The following RXFP2 variants were observed in gnomAD, a reference collection of about 807,000 sequenced individuals.
RXFP2 encodes the protein relaxin receptor 2.
In RXFP2, 68 loss-of-function variants were observed where a neutral mutation model predicts 88.6. That is an observed-to-expected ratio of 0.77 (90% CI 0.63 to 0.94). The LOEUF is 0.94. Ranked by LOEUF, RXFP2 falls within the 40% of genes least tolerant of loss-of-function variation. The probability of loss-of-function intolerance (pLI) is 0.00; values close to 1 mark genes in which losing one functional copy is unlikely to be tolerated. For synonymous variants in RXFP2, 329 were observed against 306.8 expected, an observed-to-expected ratio of 1.07 and a Z score of -0.76; for missense variants, 791 against 893.9, an observed-to-expected ratio of 0.88 and a Z score of 1.47.
chr13:31,766,055 T>TA (rs761277213), intron 5 of RXFP2, 28 bp downstream of exon 5: 13 of 1,061,746 alleles, frequency 1.2e-5, no homozygotes, highest in Non-Finnish European at 1.6e-5. Context: ...GCATATTTAT[T>TA]TAAAAAAAAT....
chr13:31,779,340 G>A (rs1396451418), intron 9 of RXFP2, among the ~76,000 whole-genome samples: 6 of 151,876 alleles, frequency 4.0e-5, no homozygotes, highest in Admixed American at 1.3e-4. Context: ...TGGCCAGGCT[G>A]GTCTTCAACC....
chr13:31,782,919 T>G (rs1051793825), intron 11 of RXFP2, among the ~76,000 whole-genome samples, 172 bp downstream of exon 11: 1 of 152,208 alleles, frequency 6.6e-6, no homozygotes, highest in African/African-American at 2.4e-5. Context: ...CACATTCAAA[T>G]CAGACAGTGG....
At chr13:31,746,784 T>A (rs1382712292) in intron 1 of RXFP2, among the ~76,000 whole-genome samples, 1 of 152,246 alleles carries the variant, frequency 6.6e-6, no homozygotes, top group Non-Finnish European at 1.5e-5. Context: ...TCTATTGCTG[T>A]AGATATTTCT....
chr13:31,779,884 C>T (rs1346373124), intron 9 of RXFP2, among the ~76,000 whole-genome samples: 1 of 152,120 alleles, frequency 6.6e-6, no homozygotes, highest in Non-Finnish European at 1.5e-5. Context: ...TGTCAAAAGG[C>T]TTCTAAAACA....
chr13:31,761,549 A>ACCTGCC (rs1872302363), intron 2 of RXFP2, among the ~76,000 whole-genome samples, 175 bp from the exon 3 acceptor site: 1 of 152,226 alleles, frequency 6.6e-6, no homozygotes, highest in Non-Finnish European at 1.5e-5. Flanking sequence ...TCATGTAAAA[A>ACCTGCC]AGGGACACCT....
chr13:31,761,823 A>G, intron 3 of RXFP2, 22 bp downstream of exon 3: 1 of 1,502,158 alleles, frequency 6.7e-7, no homozygotes, highest in Non-Finnish European at 9.3e-7. Flanking sequence ...TGATTCAAAG[A>G]CAGTATCAGC....
At chr13:31,770,834 T>G (rs1375245146) in intron 5 of RXFP2, among the ~76,000 whole-genome samples, 1 of 152,156 alleles carries the variant, frequency 6.6e-6, no homozygotes, top group East Asian at 1.9e-4. Context: ...TCTCTCTTAG[T>G]CTATTGAGGC....
intron 1 of RXFP2, among the ~76,000 whole-genome samples, chr13:31,756,161 TG>T (rs1167758796): frequency 6.6e-6 from 1 of 152,238 alleles, no homozygotes; most frequent in Non-Finnish European, 1.5e-5. Context: ...TGACATCATT[TG>T]TTAATGAGAG....
chr13:31,762,495 T>C (rs1006464406), intron 3 of RXFP2, among the ~76,000 whole-genome samples: 2 of 152,244 alleles, frequency 1.3e-5, no homozygotes, highest in African/African-American at 4.8e-5. Context: ...AGGCTGGTGC[T>C]AGCCCATGAA....
At chr13:31,752,375 G>A (rs1871710308) in intron 1 of RXFP2, among the ~76,000 whole-genome samples, 1 of 152,108 alleles carries the variant, frequency 6.6e-6, no homozygotes, top group Admixed American at 6.6e-5. Flanking sequence ...AGAAAATAGA[G>A]GTTGGGAGAA....
Position 31,790,986 on chromosome 13 carries a change from G to C in RXFP2, c.1146-820G>C, listed in dbSNP as rs924752467. On this transcript the variant is annotated intron_variant, in intron 14 of 17. Coordinates refer to ENST00000298386, the MANE Select transcript of RXFP2 (RefSeq NM_130806.5). ...CAGGGGTCTGATACCAGGCAGCCTT[G>C]GTCTAGAAACTGAATTGAGAAATAA... Among the ~76,000 whole-genome samples, 6 of 152,308 alleles carry C rather than the reference G, an allele frequency of 3.9e-5. No individual in the cohort carries two copies. In the East Asian group the frequency reaches 1.2e-3, roughly 29 times the overall value.
chr13:31,795,001 A>G (rs1473015626), intron 16 of RXFP2, among the ~76,000 whole-genome samples: 1 of 152,204 alleles, frequency 6.6e-6, no homozygotes, highest in Non-Finnish European at 1.5e-5. Context: ...GAAGAATATA[A>G]GAATACATAA....
In RXFP2 at chr13:31,761,388, G is replaced by T. The variant is rs181967038; in HGVS notation, c.242-336G>T. ...ATGCACGTGACAAAAACAAAATTCA[G>T]ATATTTTCTTCAGAGGTCCTCAAAA... On this transcript the variant is annotated intron_variant, in intron 2 of 17. Coordinates refer to ENST00000298386, the MANE Select transcript of RXFP2 (RefSeq NM_130806.5). Among the ~76,000 whole-genome samples the T allele has an allele frequency of 3.2e-4, 48 of 152,238 alleles. No individual in the cohort carries two copies. The East Asian group carries it at 7.3e-3, about 23-fold the overall frequency.
intron 1 of RXFP2, 68 bp downstream of exon 1, chr13:31,739,774 T>C (rs1245264051): frequency 1.0e-5 from 10 of 1,003,902 alleles, no homozygotes. Flanking sequence ...TGTAGTTCTA[T>C]GGCAGTTGTA....
chr13:31,779,341 G>T (rs575271597), intron 9 of RXFP2, among the ~76,000 whole-genome samples: 1 of 152,056 alleles, frequency 6.6e-6, no homozygotes, highest in African/African-American at 2.4e-5. Context: ...GGCCAGGCTG[G>T]TCTTCAACCC....
chr13:31,766,661 A>T (rs996358502), intron 5 of RXFP2, among the ~76,000 whole-genome samples: 1 of 152,138 alleles, frequency 6.6e-6, no homozygotes, highest in Non-Finnish European at 1.5e-5. Context: ...TCCCCACCAC[A>T]ATTTTCATGA....
intron 1 of RXFP2, among the ~76,000 whole-genome samples, chr13:31,746,656 T>A (rs1172978710): frequency 6.8e-6 from 1 of 148,090 alleles, no homozygotes; most frequent in Non-Finnish European, 1.5e-5. Context: ...AATTTTTTAT[T>A]CGATTATAGC....
rs1423457673 is a variant in RXFP2, at chr13:31,797,414, T to C, written c.2000T>C (p.Ile667Thr). Residue 667 changes from isoleucine (I) to threonine (T), a missense_variant, in exon 17 of 18, where the codon ATA (isoleucine) becomes ACA (threonine). Transcript: ENST00000298386. ...VKILSLFRVE[I>T]PDTMTSWIVI... ...ATCCTTTCCCTCTTCCGGGTGGAAATACCAGGTCAGTCTCTTCTATCATTC... is the reference window on the plus strand; with the variant it reads ...ATCCTTTCCCTCTTCCGGGTGGAAACACCAGGTCAGTCTCTTCTATCATTC... 1 of 1,611,768 alleles carries C rather than the reference T, an allele frequency of 6.2e-7. No individual in the cohort carries two copies. Among genetic ancestry groups the C allele is most frequent in the Non-Finnish European group, 8.5e-7 (1 of 1,177,904 alleles).
chr13:31,778,957 T>A (rs769638603), intron 9 of RXFP2, among the ~76,000 whole-genome samples: 2 of 152,066 alleles, frequency 1.3e-5, no homozygotes, highest in Non-Finnish European at 2.9e-5. Flanking sequence ...GAAAGACAAC[T>A]TAAACCTCAC....
Sources: allele counts gnomAD v4.1 joint callset (sites outside exome capture counted in the v4.1 genomes callset), GRCh38; gene constraint gnomAD v4.1.1; transcripts MANE v1.5; gene names NCBI Gene and HGNC (gene_info 2026-07-23, HGNC 2026-07-21).